The following ROBO2 variants were observed in gnomAD, a reference collection of about 807,000 sequenced individuals.
ROBO2 encodes the protein roundabout homolog 2.
ROBO2 carries 53 observed loss-of-function variants against 160.8 expected under a neutral mutation model. The ratio of observed to expected loss-of-function variants is 0.33; its 90% CI spans 0.26 to 0.41. The LOEUF (loss-of-function observed/expected upper bound fraction) is 0.41, where lower values mean the gene tolerates loss of function less well. Among genes scored for constraint, ROBO2 ranks in the 10% least tolerant of loss-of-function variants. The pLI, the probability that ROBO2 is intolerant of heterozygous loss-of-function variation, is 1.00. For missense variants in ROBO2, 1,577 were observed against 1,722.4 expected (o/e 0.92, Z 1.49); for synonymous variants, 664 against 611.7 (o/e 1.09, Z -1.26).
At chr3:77,424,361 T>C (rs1428397449) in intron 2 of ROBO2, among the ~76,000 whole-genome samples, 1 of 152,188 alleles carries the variant, frequency 6.6e-6, no homozygotes, top group Non-Finnish European at 1.5e-5. Flanking sequence ...GCAAACAGAA[T>C]GTTAATCAAT....
intron 2 of ROBO2, among the ~76,000 whole-genome samples, chr3:76,168,560 T>C (rs1471094196): frequency 6.6e-6 from 1 of 152,176 alleles, no homozygotes. Flanking sequence ...CAACTTTGTT[T>C]ATTCCATTTA....
chr3:76,380,560 C>G (rs902024300), intron 2 of ROBO2, among the ~76,000 whole-genome samples: 1 of 152,004 alleles, frequency 6.6e-6, no homozygotes, highest in Non-Finnish European at 1.5e-5. Context: ...TATGGTTTTC[C>G]TAATAACATT....
At chr3:77,187,492 C>G (rs1381273870) in intron 2 of ROBO2, among the ~76,000 whole-genome samples, 3 of 151,890 alleles carry the variant, frequency 2.0e-5, no homozygotes, top group African/African-American at 7.2e-5. Context: ...TGCTTTTTAT[C>G]TCTATAGTTG....
rs1180641914 is a variant in ROBO2 at position 77,621,113 on chromosome 3, C to T, written c.3555-1114C>T. The stretch of plus-strand genomic sequence containing the variant: ...TTTGAAACAAGTCACTTAAATTTGA[C>T]CTTCACTTTAATAAATTCTAAAGAA... On this transcript the variant is annotated intron_variant, in intron 22 of 25. Coordinates refer to ENST00000461745, the Ensembl canonical transcript of ROBO2. 5.3e-5 allele frequency among the ~76,000 whole-genome samples: 8 copies of T among 152,262 alleles called. No homozygotes were observed. The East Asian group carries it at 1.5e-3, about 29-fold the overall frequency.
chr3:75,958,535 C>T (rs1948797779), intron 2 of ROBO2, among the ~76,000 whole-genome samples: 1 of 151,510 alleles, frequency 6.6e-6, no homozygotes, highest in Admixed American at 6.6e-5. Flanking sequence ...TAGGAGTTTG[C>T]TGGATGAAAT....
In ROBO2 at chr3:77,030,032, G is replaced by A. The variant is rs112018381; in HGVS notation, c.110-67982G>A. Among the ~76,000 whole-genome samples, 385 of 151,318 alleles carry A rather than the reference G, an allele frequency of 2.5e-3. 1 individual carries two copies. The highest frequency in any genetic ancestry group is 9.0e-3 in the African/African-American group (370 of 41,194). ...GCGATCTCCGCTCACTGCAAGCTCC[G>A]CCTCCCAGTTCACGCCTTTCTCCTG... On this transcript the variant is annotated intron_variant, in intron 2 of 26. Coordinates refer to the ROBO2 transcript ENST00000487694.
chr3:76,272,899 A>T (rs567016438), intron 2 of ROBO2, among the ~76,000 whole-genome samples: 3 of 63,716 alleles, frequency 4.7e-5, no homozygotes, highest in South Asian at 9.1e-4. Flanking sequence ...TAAAAATATA[A>T]TATATATTTA....
chr3:76,538,657 G>C (rs1324371457), intron 2 of ROBO2, among the ~76,000 whole-genome samples: 1 of 152,162 alleles, frequency 6.6e-6, no homozygotes, highest in East Asian at 1.9e-4. Context: ...GTGTGAAGCT[G>C]AGGTTTGATG....
At chr3:76,010,437 T>A (rs1406388705) in intron 2 of ROBO2, among the ~76,000 whole-genome samples, 1 of 152,242 alleles carries the variant, frequency 6.6e-6, no homozygotes, top group Admixed American at 6.5e-5. Flanking sequence ...TGCATATTGC[T>A]GCCAACTTCC....
In ROBO2 at chr3:76,755,567, T is replaced by C. The variant is rs111518821; in HGVS notation, c.110-342447T>C. On this transcript the variant is annotated intron_variant, in intron 2 of 26. Transcript: ENST00000487694. ...GCAATCCACCTGTTCCTGTCTTGAT[T>C]CCATTCACATCTCAACTTCTATAGC... Among the ~76,000 whole-genome samples the C allele has an allele frequency of 9.6e-3, 1,463 of 151,972 alleles. 19 individuals carry two copies. The highest frequency in any genetic ancestry group is 0.034 in the African/African-American group (1,392 of 41,522).
At chr3:76,417,385 T>G (rs2075798587) in intron 2 of ROBO2, among the ~76,000 whole-genome samples, 1 of 152,208 alleles carries the variant, frequency 6.6e-6, no homozygotes, top group Non-Finnish European at 1.5e-5. Context: ...ACTGCCTAGT[T>G]ATATGCAGGT....
chr3:77,470,292 A>T (rs1015314527), intron 2 of ROBO2, among the ~76,000 whole-genome samples: 1 of 152,226 alleles, frequency 6.6e-6, no homozygotes, highest in African/African-American at 2.4e-5. Flanking sequence ...CATAATAGCT[A>T]CAATGGAAAG....
At chr3:76,991,501 T>C (rs145991752) in intron 2 of ROBO2, among the ~76,000 whole-genome samples, 2 of 152,318 alleles carry the variant, frequency 1.3e-5, no homozygotes, top group Non-Finnish European at 2.9e-5. Flanking sequence ...ATCTCTGTGC[T>C]TGTGCAAGGG....
intron 2 of ROBO2, among the ~76,000 whole-genome samples, chr3:77,288,225 C>T (rs1031050407): frequency 1.3e-5 from 2 of 152,046 alleles, no homozygotes; most frequent in Non-Finnish European, 2.9e-5. Context: ...ATCAGAGGAA[C>T]CGTTGTTAGT....
chr3:76,475,561 T>G (rs2078890403), intron 2 of ROBO2, among the ~76,000 whole-genome samples: 1 of 151,960 alleles, frequency 6.6e-6, no homozygotes, highest in African/African-American at 2.4e-5. Context: ...TAAAAAAAAT[T>G]TCAACTAGAT....
intron 2 of ROBO2, among the ~76,000 whole-genome samples, chr3:76,414,765 AT>A (rs34596069): frequency 0.23 from 34,475 of 148,742 alleles, 6,921 homozygotes; most frequent in African/African-American, 0.55. Context: ...TTAAAGTATA[AT>A]TTAAAAAAAA....
chr3:76,209,500 A>G (rs1703009998), intron 2 of ROBO2, among the ~76,000 whole-genome samples: 1 of 152,172 alleles, frequency 6.6e-6, no homozygotes, highest in East Asian at 1.9e-4. Context: ...AGAGGAAAAA[A>G]ACAGCAATAT....
At chr3:76,132,944 C>T (rs1436712476) in intron 2 of ROBO2, among the ~76,000 whole-genome samples, 1 of 152,086 alleles carries the variant, frequency 6.6e-6, no homozygotes, top group Non-Finnish European at 1.5e-5. Flanking sequence ...GGCTGCGACC[C>T]TTGGACTGTC....
intron 5 of ROBO2, among the ~76,000 whole-genome samples, chr3:77,495,576 T>C (rs1316497422): frequency 6.6e-6 from 1 of 152,188 alleles, no homozygotes; most frequent in African/African-American, 2.4e-5. Context: ...GGTCCTTAGT[T>C]TTTCTAGTTT....
Sources: allele counts gnomAD v4.1 joint callset (sites outside exome capture counted in the v4.1 genomes callset), GRCh38; gene constraint gnomAD v4.1.1; transcripts MANE v1.5; gene names NCBI Gene and HGNC (gene_info 2026-07-23, HGNC 2026-07-21).